EXT2: variants seen among roughly 807,000 people sequenced by gnomAD.
The protein encoded by EXT2 is exostosin glycosyltransferase 2.
EXT2 carries 53 observed loss-of-function variants against 81.6 expected under a neutral mutation model. The ratio of observed to expected loss-of-function variants is 0.65; its 90% CI spans 0.52 to 0.82. The LOEUF is 0.82. EXT2 is among the 40% of genes least tolerant of loss of function. The pLI is 0.00. For synonymous variants in EXT2, 320 were observed against 340.0 expected (o/e 0.94, Z 0.65); for missense variants, 774 against 910.2 (o/e 0.85, Z 1.93).
chr11:44,176,162 G>A (rs554659997), intron 8 of EXT2, among the ~76,000 whole-genome samples: 21 of 152,104 alleles, frequency 1.4e-4, no homozygotes, highest in Non-Finnish European at 2.8e-4. Context: ...TGGTGCAGGC[G>A]AATTCATAAA....
chr11:44,244,084 C>T, intron 13 of EXT2, 65 bp from the exon 14 acceptor site: 2 of 1,426,034 alleles, frequency 1.4e-6, no homozygotes, highest in Non-Finnish European at 2.0e-6. Context: ...TATCTTTTCT[C>T]CCTGCCCCCA....
intron 1 of EXT2, among the ~76,000 whole-genome samples, chr11:44,097,769 T>A (rs1027361873): frequency 0.011 from 134 of 12,714 alleles, 10 homozygotes; most frequent in East Asian, 0.095. Context: ...AAAAAATAAA[T>A]AAATAAATAA....
intron 4 of EXT2, among the ~76,000 whole-genome samples, chr11:44,122,667 A>G (rs574269297): frequency 1.9e-4 from 29 of 152,374 alleles, no homozygotes; most frequent in Admixed American, 1.8e-3. Flanking sequence ...CAGCTGATCC[A>G]AACCATCTCC....
At chr11:44,230,896 TC>T (rs1370877480) in intron 10 of EXT2, among the ~76,000 whole-genome samples, 1 of 152,192 alleles carries the variant, frequency 6.6e-6, no homozygotes. Context: ...GCATGAAGTG[TC>T]CTTTCTGGAC....
In EXT2 at chr11:44,102,534, CTTTTTTTTTTT is replaced by C. The variant is rs59752163; in HGVS notation, c.-30-5138_-30-5128del. ...CTCCTGTCTTTGTCTCTGTCTCTCT[CTTTTTTTTTTT>C]TTTTTTTTTTGCACGGGGTCGGGGG... On this transcript the variant is annotated intron_variant, in intron 1 of 13. Transcript: ENST00000533608. Among the ~76,000 whole-genome samples the C allele has an allele frequency of 1.4e-4, 15 of 106,164 alleles. No homozygotes were observed. The South Asian group carries it at 2.9e-3, about 20-fold the overall frequency. 69.6% of individuals were successfully genotyped at this position (106,164 alleles called of 152,430 possible).
intron 8 of EXT2, 185 bp downstream of exon 8, chr11:44,171,927 C>T (rs568448482): frequency 5.3e-5 from 42 of 794,834 alleles, no homozygotes; most frequent in African/African-American, 3.8e-4. Context: ...GTAAAAAATA[C>T]GGAAGCAGCA....
intron 7 of EXT2, among the ~76,000 whole-genome samples, chr11:44,143,675 A>G (rs1954676450): frequency 6.6e-6 from 1 of 152,220 alleles, no homozygotes; most frequent in South Asian, 2.1e-4. Context: ...TCTACCAGCA[A>G]GCAGTTCATA....
intron 8 of EXT2, among the ~76,000 whole-genome samples, chr11:44,175,051 G>C (rs1955139191): frequency 6.6e-6 from 1 of 152,228 alleles, no homozygotes; most frequent in Non-Finnish European, 1.5e-5. Flanking sequence ...TTTTAAACAA[G>C]GGAGTAATGT....
intron 10 of EXT2, among the ~76,000 whole-genome samples, chr11:44,224,858 C>A (rs573067750): frequency 2.6e-5 from 4 of 152,120 alleles, no homozygotes; most frequent in Non-Finnish European, 5.9e-5. Flanking sequence ...TTAAGTTGAG[C>A]CTCACCAAAA....
chr11:44,170,847 C>CACACAG (rs1955062521), intron 7 of EXT2, among the ~76,000 whole-genome samples: 1 of 143,822 alleles, frequency 7.0e-6, no homozygotes, highest in South Asian at 2.2e-4. Context: ...CACACACACA[C>CACACAG]ACACACACAC....
At chr11:44,209,987 A>G (rs1955628296) in intron 10 of EXT2, among the ~76,000 whole-genome samples, 1 of 152,190 alleles carries the variant, frequency 6.6e-6, no homozygotes. Context: ...TCCCTTACCA[A>G]CACACGTATG....
chr11:44,172,221 G>A (rs1008351429), intron 8 of EXT2, among the ~76,000 whole-genome samples: 1 of 152,134 alleles, frequency 6.6e-6, no homozygotes, highest in African/African-American at 2.4e-5. Flanking sequence ...GAGGCATTAC[G>A]GATTGCTATA....
chr11:44,182,006 C>A (rs1029784588), intron 8 of EXT2, among the ~76,000 whole-genome samples: 3 of 152,050 alleles, frequency 2.0e-5, no homozygotes, highest in African/African-American at 7.2e-5. Flanking sequence ...TGGACTGGCT[C>A]ATTGATCAGA....
At chr11:44,212,531 A>G (rs991908643) in intron 10 of EXT2, among the ~76,000 whole-genome samples, 4 of 152,118 alleles carry the variant, frequency 2.6e-5, no homozygotes, top group Non-Finnish European at 5.9e-5. Flanking sequence ...ACTTGAACTC[A>G]TACATTACTG....
chr11:44,184,392 G>A (rs553333157), intron 8 of EXT2, among the ~76,000 whole-genome samples: 1 of 152,128 alleles, frequency 6.6e-6, no homozygotes, highest in African/African-American at 2.4e-5. Flanking sequence ...CTCTTTCCAC[G>A]TGAGAACTAC....
At chr11:44,242,529 C>A (rs1358263439) in intron 13 of EXT2, among the ~76,000 whole-genome samples, 7 of 152,230 alleles carry the variant, frequency 4.6e-5, no homozygotes, top group African/African-American at 1.7e-4. Context: ...AGTTTAAAAC[C>A]CAGTTCCACC....
At chr11:44,147,716 A>AC (rs539183540) in intron 7 of EXT2, among the ~76,000 whole-genome samples, 700 of 47,312 alleles carry the variant, frequency 0.015, 5 homozygotes, top group African/African-American at 0.05. Context: ...GCCTGCCACC[A>AC]CCCCCAGCTA....
intron 1 of EXT2, among the ~76,000 whole-genome samples, chr11:44,100,640 A>G (rs570969907): frequency 1.9e-3 from 285 of 152,276 alleles, no homozygotes; most frequent in Non-Finnish European, 3.4e-3. Flanking sequence ...GAAAGACAGA[A>G]GGCTCTATGG....
At chr11:44,234,434 T>G (rs1955937068) in intron 12 of EXT2, among the ~76,000 whole-genome samples, 191 bp downstream of exon 12, 1 of 152,208 alleles carries the variant, frequency 6.6e-6, no homozygotes, top group East Asian at 1.9e-4. Flanking sequence ...TTAAACATAT[T>G]TTCTTTTTTT....
Sources: allele counts gnomAD v4.1 joint callset (sites outside exome capture counted in the v4.1 genomes callset), GRCh38; gene constraint gnomAD v4.1.1; transcripts MANE v1.5; gene names NCBI Gene and HGNC (gene_info 2026-07-23, HGNC 2026-07-21).